The following PDIA4 variants were observed in gnomAD, a reference collection of about 807,000 sequenced individuals.
PDIA4 encodes protein disulfide-isomerase A4.
Under a neutral mutation model 62.1 loss-of-function variants are expected in PDIA4, and 33 were observed. That is an observed-to-expected ratio of 0.53 (90% confidence interval 0.40 to 0.71). PDIA4 has a LOEUF of 0.71. Ranked by LOEUF, PDIA4 falls within the 30% of genes least tolerant of loss-of-function variation. PDIA4 has a pLI of 0.00. For missense variants in PDIA4, 804 were observed against 813.6 expected (o/e 0.99, Z 0.14); for synonymous variants, 341 against 324.1 (o/e 1.05, Z -0.56).
rs753399228 is a variant in PDIA4, at chr7:149,005,188, T to C, written c.1475A>G (p.Glu492Gly). Residue 492 changes from glutamate (E) to glycine (G), a missense_variant, in exon 9 of 10, where the codon GAG becomes GGG. Glu to Gly is a moderately conservative substitution (Grantham distance 98, BLOSUM62 -2). Coordinates refer to ENST00000652332, the MANE Select transcript of PDIA4 (RefSeq NM_004911.5). The stretch of plus-strand genomic sequence containing the variant: ...CTCGCGGAGGGTGTCAGAGTCAAAC[T>C]CCTCTGGCTCCATGGCGAACTTCTT... ...SGKKFAMEPE[E>G]FDSDTLREFV... is the part of the protein sequence containing the mutation. The C allele has an allele frequency of 2.0e-5, 32 of 1,613,916 alleles. No individual in the cohort carries two copies. Among genetic ancestry groups the C allele is most frequent in the African/African-American group, 2.7e-5 (2 of 74,866 alleles).
intron 7 of PDIA4, among the ~76,000 whole-genome samples, chr7:149,007,271 A>G (rs1823792833): frequency 6.6e-6 from 1 of 152,100 alleles, no homozygotes; most frequent in Non-Finnish European, 1.5e-5. Context: ...AGGTACTGCC[A>G]TGTTCTGGTG....
At chr7:149,008,346 A>G (rs1261500952) in intron 6 of PDIA4, 36 bp from the exon 7 acceptor site, 1 of 1,592,244 alleles carries the variant, frequency 6.3e-7, no homozygotes, top group African/African-American at 1.3e-5. Flanking sequence ...AATTTTGAAA[A>G]TTGCCTAAAT....
chr7:149,012,817 A>G (rs1189466934), intron 4 of PDIA4, among the ~76,000 whole-genome samples: 3 of 152,248 alleles, frequency 2.0e-5, no homozygotes, highest in Admixed American at 6.5e-5. Flanking sequence ...GGGCGAAGAG[A>G]GGGTCGGCAG....
intron 9 of PDIA4, among the ~76,000 whole-genome samples, chr7:149,004,670 G>A (rs1349605160): frequency 6.6e-6 from 1 of 152,220 alleles, no homozygotes. Flanking sequence ...AGGGTGAAGA[G>A]GCTCTGAGTC....
chr7:149,005,439 G>A (rs556642208), intron 8 of PDIA4, 65 bp from the exon 9 acceptor site: 2 of 1,039,126 alleles, frequency 1.9e-6, no homozygotes, highest in African/African-American at 1.6e-5. Flanking sequence ...CAGACTCTGA[G>A]GTCAGGCTTC....
rs374599203 is a variant in PDIA4 at position 149,021,160 on chromosome 7, C to T, written c.89-13G>A. On this transcript the variant is annotated splice_polypyrimidine_tract_variant and intron_variant, in intron 1 of 9. Transcript: ENST00000652332. ...CTGTTAGAAGAATCTGAGTGGAAAACACCCAGACTGGTTACAAAGCTGGTG... is the reference window on the plus strand; with the variant it reads ...CTGTTAGAAGAATCTGAGTGGAAAATACCCAGACTGGTTACAAAGCTGGTG... 5.1e-6 allele frequency: 8 copies of T among 1,565,162 alleles called. No homozygotes were observed. The highest frequency in any genetic ancestry group is 1.2e-5 in the South Asian group (1 of 85,910).
At chr7:149,026,012 C>T (rs111551080) in intron 1 of PDIA4, among the ~76,000 whole-genome samples, 2 of 151,972 alleles carry the variant, frequency 1.3e-5, no homozygotes, top group African/African-American at 4.8e-5. Context: ...TATTTAGTAA[C>T]CATGTTGGGG....
chr7:149,015,124 G>A, intron 3 of PDIA4, 82 bp from the exon 4 acceptor site: 2 of 1,438,342 alleles, frequency 1.4e-6, no homozygotes, highest in Non-Finnish European at 1.9e-6. Context: ...GATGAGGAGG[G>A]GGAAGAAAGC....
chr7:149,027,989 A>T, intron 1 of PDIA4: 1 of 540,404 alleles, frequency 1.9e-6, no homozygotes. Flanking sequence ...GACCTGACGA[A>T]AATCTGTAAA....
intron 3 of PDIA4, among the ~76,000 whole-genome samples, chr7:149,017,494 G>C (rs906718558): frequency 6.6e-6 from 1 of 152,154 alleles, no homozygotes; most frequent in Admixed American, 6.5e-5. Context: ...TGAGGCAGGA[G>C]AATCACTTGA....
chr7:149,021,732 C>T (rs945171937), intron 1 of PDIA4, among the ~76,000 whole-genome samples: 3 of 152,168 alleles, frequency 2.0e-5, no homozygotes, highest in African/African-American at 7.2e-5. Flanking sequence ...GAGGGCAGCA[C>T]AGACTACCCT....
At chr7:149,015,804 A>G (rs960549649) in intron 3 of PDIA4, among the ~76,000 whole-genome samples, 1 of 152,252 alleles carries the variant, frequency 6.6e-6, no homozygotes, top group African/African-American at 2.4e-5. Flanking sequence ...TCCTCTGCGC[A>G]TTCGCAGCAT....
intron 7 of PDIA4, among the ~76,000 whole-genome samples, chr7:149,006,755 G>A (rs1237859907): frequency 6.6e-6 from 1 of 152,206 alleles, no homozygotes; most frequent in Non-Finnish European, 1.5e-5. Context: ...GGTGGGTAAG[G>A]AGGGCCTGGG....
chr7:149,009,310 C>CA (rs1170100430), intron 6 of PDIA4, among the ~76,000 whole-genome samples: 9 of 151,900 alleles, frequency 5.9e-5, no homozygotes, highest in Non-Finnish European at 1.3e-4. Flanking sequence ...ACAACAACAA[C>CA]AAAAAAACCC....
In PDIA4 at chr7:149,023,061, C is replaced by A. The variant is rs138455617; in HGVS notation, c.89-1914G>T. ...CCACCCATCTGAGATGAGCCTCCTG[C>A]CTGCCACCCCTCCCTCCACACCAGG... On this transcript the variant is annotated intron_variant, in intron 1 of 9. Coordinates refer to ENST00000652332, the MANE Select transcript of PDIA4 (RefSeq NM_004911.5). Among the ~76,000 whole-genome samples the A allele has an allele frequency of 1.6e-3, 237 of 152,284 alleles. 3 individuals carry two copies. The highest frequency in any genetic ancestry group is 5.3e-3 in the African/African-American group (220 of 41,552).
intron 2 of PDIA4, 125 bp downstream of exon 2, chr7:149,020,842 A>G (rs913974199): frequency 7.0e-7 from 1 of 1,422,148 alleles, no homozygotes; most frequent in African/African-American, 1.4e-5. Context: ...TCTTAAAGCT[A>G]GAGTGCAAGT....
intron 3 of PDIA4, among the ~76,000 whole-genome samples, 178 bp downstream of exon 3, chr7:149,018,814 C>T (rs1469009863): frequency 6.9e-6 from 1 of 145,454 alleles, no homozygotes; most frequent in Non-Finnish European, 1.5e-5. Context: ...CCTGCCCACC[C>T]CACTACTCCC....
intron 6 of PDIA4, among the ~76,000 whole-genome samples, chr7:149,009,150 C>T (rs574639999): frequency 8.4e-4 from 128 of 152,170 alleles, no homozygotes; most frequent in African/African-American, 2.9e-3. Flanking sequence ...AGGCTGGTCT[C>T]GAACTCCTGA....
rs764963463 is a variant in PDIA4, at chr7:149,028,402, G to A, written c.7C>T (p.Pro3Ser). 7.7e-5 allele frequency: 117 copies of A among 1,514,524 alleles called. 3 individuals are homozygous for A. In the South Asian group the frequency reaches 1.4e-3, roughly 18 times the overall value. 93.8% of individuals were successfully genotyped at this position (1,514,524 alleles called of 1,614,324 possible). A position where few individuals can be genotyped will look rare whatever the true frequency, so the allele number is the denominator to read the frequency against. Residue 3 changes from proline (P) to serine (S), a missense_variant, in exon 1 of 10, where the codon CCC becomes TCC. Transcript: ENST00000652332. ...AGCAGGAGCAGGAAGGCTTTCCGGG[G>A]CCTCATGGTAGCGGGGGCGGAGCGC... MR[P>S]RKAFLLLLLL...
Sources: allele counts gnomAD v4.1 joint callset (sites outside exome capture counted in the v4.1 genomes callset), GRCh38; gene constraint gnomAD v4.1.1; transcripts MANE v1.5; gene names NCBI Gene and HGNC (gene_info 2026-07-23, HGNC 2026-07-21).